Variants in SH3PXD2A observed in about 807,000 individuals in gnomAD.
SH3PXD2A encodes SH3 and PX domains 2A.
Under a neutral mutation model 115.2 loss-of-function variants are expected in SH3PXD2A, and 32 were observed. That is an observed-to-expected ratio of 0.28 (90% CI 0.21 to 0.37). The LOEUF is 0.37. Ranked by LOEUF, SH3PXD2A falls within the 10% of genes least tolerant of loss-of-function variation. The pLI, the probability that SH3PXD2A is intolerant of heterozygous loss-of-function variation, is 1.00. For synonymous variants in SH3PXD2A, 610 were observed against 629.1 expected (o/e 0.97, Z 0.45); for missense variants, 1,328 against 1,498.7 (o/e 0.89, Z 1.88).
chr10:103,794,115 TATA>T (rs922017130), intron 2 of SH3PXD2A, among the ~76,000 whole-genome samples: 34 of 152,226 alleles, frequency 2.2e-4, no homozygotes, highest in African/African-American at 7.7e-4. Context: ...ATTCAGGAAT[TATA>T]ATTTTTCCAC....
chr10:103,645,503 T>C (rs1359430297), intron 8 of SH3PXD2A, among the ~76,000 whole-genome samples: 2 of 152,196 alleles, frequency 1.3e-5, no homozygotes, highest in African/African-American at 4.8e-5. Context: ...AGTGAGCTAA[T>C]ACTTCCAGTC....
At chr10:103,690,803 G>C (rs1159384720) in intron 6 of SH3PXD2A, among the ~76,000 whole-genome samples, 1 of 152,192 alleles carries the variant, frequency 6.6e-6, no homozygotes, top group Non-Finnish European at 1.5e-5. Context: ...AATGGGCACA[G>C]AGAGGCTAAG....
At chr10:103,850,877 T>C (rs4244253) in intron 1 of SH3PXD2A, among the ~76,000 whole-genome samples, 132,443 of 152,136 alleles carry the variant, frequency 0.87, 58,805 homozygotes, top group East Asian at 0.99. Context: ...ATGGTGCATG[T>C]CCATGGTGAG....
intron 1 of SH3PXD2A, among the ~76,000 whole-genome samples, chr10:103,808,595 C>G (rs1215123946): frequency 6.6e-6 from 1 of 152,148 alleles, no homozygotes; most frequent in Non-Finnish European, 1.5e-5. Context: ...AAAATTTCCC[C>G]AGACTTCCGA....
chr10:103,687,000 G>A (rs1240498568), intron 6 of SH3PXD2A, among the ~76,000 whole-genome samples: 27 of 152,046 alleles, frequency 1.8e-4, no homozygotes, highest in South Asian at 2.1e-4. Context: ...CACCTGCCTC[G>A]GTCTCCCAAA....
intron 3 of SH3PXD2A, among the ~76,000 whole-genome samples, chr10:103,738,195 C>T (rs560643327): frequency 1.3e-5 from 2 of 152,330 alleles, no homozygotes; most frequent in South Asian, 2.1e-4. Flanking sequence ...CTCTGCCCTG[C>T]GTCCCTCTCG....
chr10:103,845,654 A>G (rs1037672726), intron 1 of SH3PXD2A, among the ~76,000 whole-genome samples: 5 of 152,110 alleles, frequency 3.3e-5, no homozygotes, highest in Non-Finnish European at 4.4e-5. Flanking sequence ...TTATTCCTTT[A>G]CTTTCTTAAT....
intron 6 of SH3PXD2A, among the ~76,000 whole-genome samples, chr10:103,670,316 A>G (rs887383858): frequency 1.3e-5 from 2 of 152,196 alleles, no homozygotes; most frequent in African/African-American, 4.8e-5. Flanking sequence ...CTGTTCCTGA[A>G]CTTGTAAAAA....
In SH3PXD2A at chr10:103,626,171, C is replaced by T. The variant is rs537943679; in HGVS notation, c.718+918G>A. ...TGGTCAAGGGGCTGAAGTAAAGCCT[C>T]GACATAGGAGGAAGGGCGAAGCCCC... is the stretch of plus-strand genomic sequence containing the variant. On this transcript the variant is annotated intron_variant, in intron 9 of 14. Transcript: ENST00000369774. Among the ~76,000 whole-genome samples the T allele has an allele frequency of 1.9e-4, 29 of 152,362 alleles. 2 individuals are homozygous for T. The South Asian group carries it at 5.2e-3, about 27-fold the overall frequency.
At chr10:103,790,484 G>C (rs1267095005) in intron 2 of SH3PXD2A, among the ~76,000 whole-genome samples, 5 of 152,138 alleles carry the variant, frequency 3.3e-5, no homozygotes, top group Admixed American at 6.5e-5. Context: ...GGAAGGCTAG[G>C]AACTCAGATT....
chr10:103,707,701 A>C (rs2037998395), intron 5 of SH3PXD2A, among the ~76,000 whole-genome samples: 1 of 152,056 alleles, frequency 6.6e-6, no homozygotes, highest in African/African-American at 2.4e-5. Context: ...CCACCCACCA[A>C]GAAGAAGATG....
chr10:103,671,453 G>T (rs2037457941), intron 6 of SH3PXD2A, among the ~76,000 whole-genome samples: 1 of 152,198 alleles, frequency 6.6e-6, no homozygotes, highest in South Asian at 2.1e-4. Flanking sequence ...AGGAAAATGG[G>T]AAGCAGACCA....
intron 7 of SH3PXD2A, among the ~76,000 whole-genome samples, chr10:103,667,689 C>T (rs1252804338): frequency 6.6e-6 from 1 of 152,220 alleles, no homozygotes; most frequent in Non-Finnish European, 1.5e-5. Context: ...CCCACCACCC[C>T]ACTCAGCTCC....
chr10:103,754,489 C>G (rs1239341665), intron 3 of SH3PXD2A: 1 of 152,186 alleles, frequency 6.6e-6, no homozygotes, highest in Non-Finnish European at 1.5e-5. Context: ...ACCCTATCTT[C>G]AAAACCACAG....
intron 4 of SH3PXD2A, among the ~76,000 whole-genome samples, chr10:103,727,540 C>T (rs773262898): frequency 2.6e-5 from 4 of 152,088 alleles, no homozygotes; most frequent in Non-Finnish European, 4.4e-5. Flanking sequence ...GAAGGAGGGA[C>T]GCAGGGCAGG....
At chr10:103,679,872 G>A (rs1046859764) in intron 6 of SH3PXD2A, among the ~76,000 whole-genome samples, 63 of 152,316 alleles carry the variant, frequency 4.1e-4, no homozygotes, top group Middle Eastern at 3.4e-3. Context: ...AAGAGCCTAA[G>A]GTGCTCCAGG....
intron 1 of SH3PXD2A, among the ~76,000 whole-genome samples, chr10:103,849,507 G>A (rs888170045): frequency 1.3e-5 from 2 of 152,128 alleles, no homozygotes; most frequent in African/African-American, 2.4e-5. Context: ...CAGTCTCTGC[G>A]GCTGATATGG....
chr10:103,789,180 G>A (rs939673557), intron 2 of SH3PXD2A, among the ~76,000 whole-genome samples: 2 of 152,104 alleles, frequency 1.3e-5, no homozygotes, highest in African/African-American at 4.8e-5. Flanking sequence ...GGGAGGATGG[G>A]GGGGGTAGAA....
At position 103,665,015 on chromosome 10, in the gene SH3PXD2A, C is replaced by T. The variant is rs1227092056; in HGVS notation, c.472+3593G>A. On this transcript the variant is annotated intron_variant, in intron 7 of 14. Coordinates refer to ENST00000369774, the MANE Select transcript of SH3PXD2A (RefSeq NM_001394015.1). This position sits in a 1 kb window ranked among gnomAD's most constrained non-coding sequence, Gnocchi z 4.0. Reference sequence around the variant, plus strand: ...GTTGACTCTTGCCACCTCTACTGACCAGACCACAGTGCCTGTTAGGTGGCA... The same window carrying T: ...GTTGACTCTTGCCACCTCTACTGACTAGACCACAGTGCCTGTTAGGTGGCA... 6.6e-6 allele frequency among the ~76,000 whole-genome samples: 1 copy of T among 152,140 alleles called. No homozygotes were observed. The highest frequency in any genetic ancestry group is 1.5e-5 in the Non-Finnish European group (1 of 68,026).
Sources: allele counts gnomAD v4.1 joint callset (sites outside exome capture counted in the v4.1 genomes callset), GRCh38; gene constraint gnomAD v4.1.1; non-coding constraint Gnocchi (gnomAD v3.1); transcripts MANE v1.5; gene names NCBI Gene and HGNC (gene_info 2026-07-23, HGNC 2026-07-21).